IMMP2L: variants seen among roughly 807,000 people sequenced by gnomAD.
IMMP2L encodes inner mitochondrial membrane peptidase subunit 2, also known as mitochondrial inner membrane protease subunit 2.
IMMP2L carries 18 observed loss-of-function variants against 19.3 expected under a neutral mutation model. That is an observed-to-expected ratio of 0.93 (90% CI 0.64 to 1.38). IMMP2L has a LOEUF of 1.38. Ranked by LOEUF, IMMP2L falls within the 40% of genes most tolerant of loss-of-function variation. The pLI is 0.00. For synonymous variants in IMMP2L, 76 were observed against 73.0 expected, an observed-to-expected ratio of 1.04 and a Z score of -0.21; for missense variants, 233 against 218.2, an observed-to-expected ratio of 1.07 and a Z score of -0.43.
At chr7:111,241,683 T>C (rs1285614756) in intron 3 of IMMP2L, among the ~76,000 whole-genome samples, 1 of 151,338 alleles carries the variant, frequency 6.6e-6, no homozygotes, top group African/African-American at 2.4e-5. Context: ...GTAACTTTTA[T>C]ACATAAGTAT....
At chr7:111,339,583 G>A (rs1336574848) in intron 3 of IMMP2L, among the ~76,000 whole-genome samples, 1 of 151,814 alleles carries the variant, frequency 6.6e-6, no homozygotes, top group Non-Finnish European at 1.5e-5. Flanking sequence ...TGCAGAAATA[G>A]TGACTGAAAA....
At chr7:110,916,195 A>G (rs112176577) in intron 4 of IMMP2L, among the ~76,000 whole-genome samples, 1,801 of 152,296 alleles carry the variant, frequency 0.012, 29 homozygotes, top group African/African-American at 0.04. Context: ...CACTGCAGTC[A>G]CTGTGATGAT....
chr7:111,322,493 A>G (rs1258437420), intron 3 of IMMP2L, among the ~76,000 whole-genome samples: 1 of 151,842 alleles, frequency 6.6e-6, no homozygotes, highest in East Asian at 1.9e-4. Flanking sequence ...GAACAGCATA[A>G]GAATTCTCCA....
chr7:111,214,991 C>A (rs1476543265), intron 3 of IMMP2L, among the ~76,000 whole-genome samples: 3 of 152,016 alleles, frequency 2.0e-5, no homozygotes, highest in African/African-American at 7.2e-5. Flanking sequence ...AAACAAAAAT[C>A]AAAAACCAGT....
chr7:110,928,373 AC>A (rs1815093151), intron 4 of IMMP2L, among the ~76,000 whole-genome samples: 2 of 149,114 alleles, frequency 1.3e-5, no homozygotes, highest in Admixed American at 6.7e-5. Flanking sequence ...ACACACACAC[AC>A]ACACACACAC....
At chr7:111,497,178 G>A (rs188974235) in intron 2 of IMMP2L, among the ~76,000 whole-genome samples, 23 of 152,104 alleles carry the variant, frequency 1.5e-4, no homozygotes, top group African/African-American at 5.5e-4. Context: ...ACTACCTGTA[G>A]GAATGAAAAT....
intron 5 of IMMP2L, among the ~76,000 whole-genome samples, chr7:110,690,892 T>C (rs531047558): frequency 6.6e-6 from 1 of 152,270 alleles, no homozygotes; most frequent in African/African-American, 2.4e-5. Context: ...GTGACCATAC[T>C]GCCCAAAGCA....
intron 5 of IMMP2L, among the ~76,000 whole-genome samples, chr7:110,849,861 TA>T (rs774534603): frequency 2.6e-5 from 4 of 152,132 alleles, no homozygotes; most frequent in Non-Finnish European, 4.4e-5. Flanking sequence ...ATCATTCTCA[TA>T]GAATTATTTA....
In IMMP2L at chr7:111,122,913, T is replaced by C. The variant is rs1319663658; in HGVS notation, c.240-159348A>G. 2.5e-6 allele frequency: 4 copies of C among 1,614,074 alleles called. No homozygotes were observed. In the East Asian group the frequency reaches 6.7e-5, roughly 27 times the overall value. Reference sequence around the variant, plus strand: ...CTTGGTTTACACCCAGATCCATTTATATGGAAGCATCTACAGTGGATTGTA... The same window carrying C: ...CTTGGTTTACACCCAGATCCATTTACATGGAAGCATCTACAGTGGATTGTA... On this transcript the variant is annotated intron_variant, in intron 3 of 5. Transcript: ENST00000405709.
At chr7:111,250,585 T>G (rs922870369) in intron 3 of IMMP2L, among the ~76,000 whole-genome samples, 1 of 152,064 alleles carries the variant, frequency 6.6e-6, no homozygotes, top group Non-Finnish European at 1.5e-5. Flanking sequence ...AATAGGGAAC[T>G]CACAAATAAG....
chr7:110,941,716 G>A (rs1363518862), intron 4 of IMMP2L, among the ~76,000 whole-genome samples: 1 of 152,096 alleles, frequency 6.6e-6, no homozygotes, highest in Non-Finnish European at 1.5e-5. Context: ...CTTCCCTATT[G>A]AGAAAGTGAA....
intron 3 of IMMP2L, among the ~76,000 whole-genome samples, chr7:110,991,917 G>C (rs943333411): frequency 6.6e-6 from 1 of 152,028 alleles, no homozygotes; most frequent in Non-Finnish European, 1.5e-5. Flanking sequence ...CTTTCACTTA[G>C]GATGTTTCCT....
At chr7:111,094,106 C>T (rs1563234796) in intron 3 of IMMP2L, among the ~76,000 whole-genome samples, 1 of 152,080 alleles carries the variant, frequency 6.6e-6, no homozygotes, top group African/African-American at 2.4e-5. Flanking sequence ...TTTGCTTTCG[C>T]CATGTGATGG....
intron 1 of IMMP2L, among the ~76,000 whole-genome samples, chr7:111,527,253 C>G (rs1846958538): frequency 6.6e-6 from 1 of 151,992 alleles, no homozygotes; most frequent in African/African-American, 2.4e-5. Context: ...ACTTCCATCT[C>G]TAAAAATTTA....
At chr7:111,047,555 T>C (rs974299817) in intron 3 of IMMP2L, among the ~76,000 whole-genome samples, 2 of 152,180 alleles carry the variant, frequency 1.3e-5, no homozygotes, top group African/African-American at 2.4e-5. Flanking sequence ...AAGCAAACTG[T>C]AGAAGCCTTT....
At chr7:111,138,163 A>C (rs1206605472) in intron 3 of IMMP2L, among the ~76,000 whole-genome samples, 1 of 152,198 alleles carries the variant, frequency 6.6e-6, no homozygotes, top group East Asian at 1.9e-4. Context: ...CCTACTTTAA[A>C]ATACAAAAAG....
intron 3 of IMMP2L, among the ~76,000 whole-genome samples, chr7:111,023,127 G>A (rs187147389): frequency 1.1e-4 from 17 of 152,300 alleles, no homozygotes; most frequent in East Asian, 9.7e-4. Flanking sequence ...TGTGATGTGC[G>A]AAGCAGGGCC....
intron 2 of IMMP2L, among the ~76,000 whole-genome samples, chr7:111,500,284 G>A (rs780508273): frequency 4.6e-5 from 7 of 152,160 alleles, no homozygotes; most frequent in East Asian, 3.9e-4. Context: ...GCCGAGGCTC[G>A]ATTAGGTAAA....
intron 3 of IMMP2L, among the ~76,000 whole-genome samples, chr7:111,461,013 T>TC (rs11398401): frequency 0.66 from 99,541 of 151,730 alleles, 33,380 homozygotes; most frequent in African/African-American, 0.77. Flanking sequence ...ATAATCTTTT[T>TC]CCATGTTACC....
Sources: allele counts gnomAD v4.1 joint callset (sites outside exome capture counted in the v4.1 genomes callset), GRCh38; gene constraint gnomAD v4.1.1; transcripts MANE v1.5; gene names NCBI Gene and HGNC (gene_info 2026-07-23, HGNC 2026-07-21).